RALYL: variants seen among roughly 807,000 people sequenced by gnomAD.
The protein encoded by RALYL is RNA-binding Raly-like protein.
In RALYL, 29 loss-of-function variants were observed where a neutral mutation model predicts 35.1. That is an observed-to-expected ratio of 0.83 (90% CI 0.61 to 1.13). The LOEUF is 1.13. Ranked by LOEUF, RALYL falls within the 50% of genes most tolerant of loss-of-function variation. The probability of loss-of-function intolerance (pLI) is 0.00; values close to 1 mark genes in which losing one functional copy is unlikely to be tolerated. For synonymous variants in RALYL, 120 were observed against 127.6 expected, an observed-to-expected ratio of 0.94 and a Z score of 0.40; for missense variants, 359 against 360.4, an observed-to-expected ratio of 1.00 and a Z score of 0.03.
At chr8:84,688,476 A>G (rs112053458) in intron 2 of RALYL, among the ~76,000 whole-genome samples, 62 of 152,174 alleles carry the variant, frequency 4.1e-4, no homozygotes, top group African/African-American at 1.3e-3. Flanking sequence ...TGGGGAAAGG[A>G]AAATCACTTC....
intron 2 of RALYL, among the ~76,000 whole-genome samples, chr8:84,684,958 A>G (rs1836441939): frequency 1.3e-5 from 2 of 152,174 alleles, no homozygotes; most frequent in Admixed American, 1.3e-4. Flanking sequence ...GCCTCCTCTC[A>G]GCTGGTAGGC....
At position 84,221,154 on chromosome 8, in the gene RALYL, A is replaced by C. The variant is rs955935573; in HGVS notation, c.-24+36730A>C. 2.0e-5 allele frequency among the ~76,000 whole-genome samples: 3 copies of C among 152,070 alleles called. No individual in the cohort carries two copies. In the East Asian group the frequency reaches 5.8e-4, roughly 29 times the overall value. On this transcript the variant is annotated intron_variant, in intron 1 of 8. Transcript: ENST00000521268. The stretch of plus-strand genomic sequence containing the variant: ...TAGTTTTGCTTCAGCTATTAATCTG[A>C]GAAGGCATTTATTACTTTGCATATT...
At chr8:84,208,094 G>A (rs1441071780) in intron 1 of RALYL, among the ~76,000 whole-genome samples, 4 of 152,022 alleles carry the variant, frequency 2.6e-5, no homozygotes, top group Non-Finnish European at 5.9e-5. Context: ...TCAAAAATTT[G>A]AGTTTTCTTC....
At chr8:84,831,776 G>A (rs1306648309) in intron 4 of RALYL, among the ~76,000 whole-genome samples, 2 of 151,978 alleles carry the variant, frequency 1.3e-5, no homozygotes, top group Non-Finnish European at 1.5e-5. Flanking sequence ...AATCAGTGGG[G>A]AAAAAAATAG....
At chr8:84,812,224 T>A (rs4554465) in intron 4 of RALYL, among the ~76,000 whole-genome samples, 106,989 of 151,920 alleles carry the variant, frequency 0.7, 37,967 homozygotes, top group East Asian at 0.88. Context: ...ATTTCCCTGT[T>A]GATGTGGATT....
At chr8:84,514,318 G>A (rs1339559266) in intron 1 of RALYL, among the ~76,000 whole-genome samples, 1 of 151,960 alleles carries the variant, frequency 6.6e-6, no homozygotes, top group Non-Finnish European at 1.5e-5. Context: ...ATTTTGTTTG[G>A]TCTCCAATAT....
chr8:84,219,182 G>A (rs191331322), intron 1 of RALYL, among the ~76,000 whole-genome samples: 19 of 152,132 alleles, frequency 1.2e-4, no homozygotes, highest in Non-Finnish European at 2.5e-4. Context: ...TAATCCCCAC[G>A]TGTCAAGGAA....
intron 1 of RALYL, among the ~76,000 whole-genome samples, chr8:84,427,892 C>T (rs892756986): frequency 1.3e-5 from 2 of 152,166 alleles, no homozygotes; most frequent in African/African-American, 4.8e-5. Context: ...CAGGTCACTG[C>T]TTTCATCTTC....
intron 1 of RALYL, among the ~76,000 whole-genome samples, chr8:84,446,167 A>G (rs1055353208): frequency 6.6e-6 from 1 of 152,020 alleles, no homozygotes; most frequent in Non-Finnish European, 1.5e-5. Flanking sequence ...CTCAAAATGC[A>G]TGGTGCTCCT....
intron 2 of RALYL, among the ~76,000 whole-genome samples, chr8:84,664,263 AT>A (rs60423756): frequency 0.19 from 10,887 of 56,884 alleles, 325 homozygotes; most frequent in Non-Finnish European, 0.2. Flanking sequence ...ATGCCTCTAG[AT>A]TTTTTTTTTT....
At chr8:84,878,614 A>T (rs1841629277) in intron 7 of RALYL, among the ~76,000 whole-genome samples, 1 of 151,978 alleles carries the variant, frequency 6.6e-6, no homozygotes, top group Non-Finnish European at 1.5e-5. Context: ...AAGAAAAAAA[A>T]AACACTAATA....
chr8:84,343,913 G>A (rs567653727), intron 1 of RALYL, among the ~76,000 whole-genome samples: 24 of 151,186 alleles, frequency 1.6e-4, no homozygotes, highest in Non-Finnish European at 2.5e-4. Flanking sequence ...AATTGAAAAC[G>A]AAACAGAAAT....
At chr8:84,821,559 A>G (rs1481039620) in intron 4 of RALYL, among the ~76,000 whole-genome samples, 2 of 152,216 alleles carry the variant, frequency 1.3e-5, no homozygotes, top group Non-Finnish European at 2.9e-5. Context: ...GCACTATAAA[A>G]GTGCTAGCAA....
intron 4 of RALYL, among the ~76,000 whole-genome samples, chr8:84,842,257 T>C (rs974660682): frequency 6.6e-6 from 1 of 152,144 alleles, no homozygotes; most frequent in Non-Finnish European, 1.5e-5. Flanking sequence ...AAGAATCAAA[T>C]AGACGCAATA....
intron 2 of RALYL, among the ~76,000 whole-genome samples, chr8:84,656,384 G>T (rs1262487617): frequency 2.6e-5 from 4 of 152,058 alleles, no homozygotes; most frequent in Non-Finnish European, 5.9e-5. Flanking sequence ...ATAGGAATAT[G>T]ACCAGACTCA....
chr8:84,433,347 T>C (rs1376011659), intron 1 of RALYL, among the ~76,000 whole-genome samples: 1 of 152,124 alleles, frequency 6.6e-6, no homozygotes, highest in East Asian at 1.9e-4. Context: ...ATTTTAACCA[T>C]CTTATTTTCT....
At chr8:84,403,382 G>A (rs1011170419) in intron 1 of RALYL, among the ~76,000 whole-genome samples, 4 of 152,032 alleles carry the variant, frequency 2.6e-5, no homozygotes, top group Non-Finnish European at 5.9e-5. Context: ...CATATGGCTA[G>A]CCAGTTTTTC....
chr8:84,860,577 GT>G, intron 5 of RALYL, among the ~76,000 whole-genome samples: 1 of 152,176 alleles, frequency 6.6e-6, no homozygotes, highest in Non-Finnish European at 1.5e-5. Context: ...CAAGCCCCTA[GT>G]GGTATGGATG....
chr8:84,556,186 C>A (rs144172835), intron 2 of RALYL, among the ~76,000 whole-genome samples: 1 of 152,062 alleles, frequency 6.6e-6, no homozygotes, highest in African/African-American at 2.4e-5. Flanking sequence ...TTGCATTTTG[C>A]GTGTACTTTT....
Sources: allele counts gnomAD v4.1 joint callset (sites outside exome capture counted in the v4.1 genomes callset), GRCh38; gene constraint gnomAD v4.1.1; transcripts MANE v1.5; gene names NCBI Gene and HGNC (gene_info 2026-07-23, HGNC 2026-07-21).